The following NUP107 variants were observed in gnomAD, a reference collection of about 807,000 sequenced individuals.
The protein encoded by NUP107 is nuclear pore complex protein Nup107.
In NUP107, 101 loss-of-function variants were observed where a neutral mutation model predicts 141.0. That is an observed-to-expected ratio of 0.72 (90% CI 0.61 to 0.84). The LOEUF is 0.84. Ranked by LOEUF, NUP107 falls within the 40% of genes least tolerant of loss-of-function variation. The pLI is 0.00. For synonymous variants in NUP107, 319 were observed against 363.9 expected (o/e 0.88, Z 1.41); for missense variants, 941 against 1,102.7 (o/e 0.85, Z 2.08).
chr12:68,715,387 G>A (rs530157270), intron 11 of NUP107, among the ~76,000 whole-genome samples: 56 of 152,232 alleles, frequency 3.7e-4, no homozygotes, highest in African/African-American at 1.3e-3. Flanking sequence ...CCAGCTGCTC[G>A]GGAGGCCGAG....
intron 5 of NUP107, among the ~76,000 whole-genome samples, chr12:68,696,000 C>A (rs1876031246): frequency 6.6e-6 from 1 of 150,474 alleles, no homozygotes. Flanking sequence ...GAGCAAGATC[C>A]CCCTCTCTTA....
At chr12:68,687,449 G>A (rs1875554001) in intron 1 of NUP107, 1 of 1,072,184 alleles carries the variant, frequency 9.3e-7, no homozygotes, top group Non-Finnish European at 1.1e-6. Context: ...CAGACTTTCT[G>A]ATTACAAGTG....
intron 6 of NUP107, among the ~76,000 whole-genome samples, chr12:68,700,248 T>C (rs1374838714): frequency 6.6e-6 from 1 of 152,150 alleles, no homozygotes; most frequent in African/African-American, 2.4e-5. Flanking sequence ...GGAAGGACTT[T>C]GGTGATGTTT....
intron 10 of NUP107, among the ~76,000 whole-genome samples, chr12:68,711,964 A>G (rs1368323391): frequency 6.6e-6 from 1 of 152,096 alleles, no homozygotes; most frequent in Non-Finnish European, 1.5e-5. Context: ...TGATCTTCTG[A>G]TTGTCAAGAA....
At chr12:68,717,794 A>G (rs1037725591) in intron 12 of NUP107, among the ~76,000 whole-genome samples, 8 of 152,178 alleles carry the variant, frequency 5.3e-5, no homozygotes, top group African/African-American at 1.4e-4. Context: ...TCAACATTCT[A>G]TATTGAGTTT....
intron 5 of NUP107, 70 bp downstream of exon 5, chr12:68,692,182 T>C: frequency 1.4e-6 from 2 of 1,392,538 alleles, no homozygotes; most frequent in South Asian, 1.5e-5. Context: ...CATTTCTTCC[T>C]GTTTCTGAAC....
intron 12 of NUP107, among the ~76,000 whole-genome samples, chr12:68,716,830 A>AT (rs1877135477): frequency 6.6e-6 from 1 of 152,036 alleles, no homozygotes; most frequent in Non-Finnish European, 1.5e-5. Flanking sequence ...GACAGATTCT[A>AT]TGTCAGTTCA....
At position 68,690,733 on chromosome 12, in the gene NUP107, G is replaced by T. The variant is rs1485767516; in HGVS notation, c.290G>T (p.Gly97Val). 6.2e-7 allele frequency: 1 copy of T among 1,614,038 alleles called. No homozygotes were observed. The highest frequency in any genetic ancestry group is 8.5e-7 in the Non-Finnish European group (1 of 1,179,956). Reference sequence around the variant, plus strand: ...CTTACGCAGTCTTCAGGGTTCTTTGGAAATCTCTCCATGGTATGTAGAAAA... The same window carrying T: ...CTTACGCAGTCTTCAGGGTTCTTTGTAAATCTCTCCATGGTATGTAGAAAA... ...PRLTQSSGFF[G>V]NLSMVTNLDD... Residue 97 changes from glycine to valine, a missense_variant, in exon 4 of 28, where the codon GGA becomes GTA. Gly to Val is a moderately radical substitution (Grantham distance 109). Coordinates refer to ENST00000229179, the MANE Select transcript of NUP107 (RefSeq NM_020401.4).
chr12:68,702,773 T>C lies in NUP107; in HGVS notation c.718T>C (p.Phe240Leu). 1 of 1,534,164 alleles carries C rather than the reference T, an allele frequency of 6.5e-7. No individual in the cohort carries two copies. The highest frequency in any genetic ancestry group is 1.3e-5 in the South Asian group (1 of 79,214). ...GTCTGCATTAGAAGAGGAAAGTGTA[T>C]TCGCAGTTACTGTAAGTTTTATATT... is the stretch of plus-strand genomic sequence containing the variant. Reference protein sequence around the residue: ...IQSALEEESVFAVTAVNASEK... With the variant: ...IQSALEEESVLAVTAVNASEK... The change falls in exon 8 of 28, where the codon TTC becomes CTC. Residue 240 changes from phenylalanine to leucine, a missense_variant. Transcript: ENST00000229179.
intron 22 of NUP107, 61 bp from the exon 23 acceptor site, chr12:68,732,576 G>A (rs1877876644): frequency 6.1e-6 from 6 of 976,984 alleles, no homozygotes; most frequent in Non-Finnish European, 9.1e-6. Context: ...CTAATTTGTA[G>A]AATATCTTTA....
intron 10 of NUP107, among the ~76,000 whole-genome samples, chr12:68,710,799 T>C (rs1213481102): frequency 6.6e-6 from 1 of 152,156 alleles, no homozygotes; most frequent in East Asian, 1.9e-4. Flanking sequence ...GTAATCGAGA[T>C]GATATAAAGT....
Position 68,696,843 on chromosome 12 carries a change from TC to T in NUP107, c.475del (p.Leu159CysfsTer5). On this transcript the variant is annotated frameshift_variant, in exon 6 of 28. Transcript: ENST00000229179. LOFTEE classifies it high-confidence loss of function. Reference sequence around the variant, plus strand: ...GCATCCATGAGTATGTTTTCTGATTTCCTGCAGTCTTTTCTGAAGCACTCTT... The same window carrying T: ...GCATCCATGAGTATGTTTTCTGATTTCTGCAGTCTTTTCTGAAGCACTCTT... Reference protein sequence around the residue: ...EAASMSMFSDFLQSFLKHSSS... With the variant: ...EAASMSMFSDXLQSFLKHSSS... The T allele has an allele frequency of 6.2e-7, 1 of 1,606,088 alleles. No individual in the cohort carries two copies. Among genetic ancestry groups the T allele is most frequent in the South Asian group, 1.1e-5 (1 of 90,194 alleles).
At chr12:68,712,282 A>G (rs1876891321) in intron 10 of NUP107, among the ~76,000 whole-genome samples, 2 of 152,078 alleles carry the variant, frequency 1.3e-5, no homozygotes, top group Non-Finnish European at 2.9e-5. Context: ...CAGGAGTTCA[A>G]GAGCAGTCTG....
chr12:68,687,102 G>T, intron 1 of NUP107, 29 bp downstream of exon 1: 1 of 1,613,504 alleles, frequency 6.2e-7, no homozygotes, highest in Non-Finnish European at 8.5e-7. Flanking sequence ...AGCTGAGCCC[G>T]AAGTCTTGCC....
intron 5 of NUP107, among the ~76,000 whole-genome samples, chr12:68,695,059 C>T (rs1282106311): frequency 1.3e-5 from 2 of 152,148 alleles, no homozygotes; most frequent in Non-Finnish European, 2.9e-5. Context: ...GCCTTACACC[C>T]GTTAGTGTGG....
intron 24 of NUP107, among the ~76,000 whole-genome samples, 163 bp downstream of exon 24, chr12:68,733,775 C>CTTCATTA (rs1398257432): frequency 6.6e-6 from 1 of 152,188 alleles, no homozygotes; most frequent in African/African-American, 2.4e-5. Flanking sequence ...ATGACCTTAT[C>CTTCATTA]TTCATTAGCA....
At chr12:68,700,951 G>A (rs1488160613) in intron 7 of NUP107, 98 bp downstream of exon 7, 9 of 1,237,060 alleles carry the variant, frequency 7.3e-6, no homozygotes, top group Non-Finnish European at 9.9e-6. Context: ...TTGGAAATAG[G>A]TTTTGCTATT....
intron 3 of NUP107, chr12:68,689,895 A>C (rs556004067): frequency 3.4e-6 from 1 of 291,256 alleles, no homozygotes; most frequent in South Asian, 5.3e-5. Context: ...TAAGTATGTA[A>C]ATAGGCTGGA....
Position 68,690,627 on chromosome 12 carries a change from A to G in NUP107, c.188-4A>G. On this transcript the variant is annotated splice_region_variant and splice_polypyrimidine_tract_variant and intron_variant, in intron 3 of 27. Coordinates refer to ENST00000229179, the MANE Select transcript of NUP107 (RefSeq NM_020401.4). ...GGTTCTTTCTACCAACCTTTTGTTTATAGTTACCCCAACAAGCCGAAGCTT... is the reference window on the plus strand; with the variant it reads ...GGTTCTTTCTACCAACCTTTTGTTTGTAGTTACCCCAACAAGCCGAAGCTT... 1 of 1,614,136 alleles carries G rather than the reference A, an allele frequency of 6.2e-7. No homozygotes were observed. Among genetic ancestry groups the G allele is most frequent in the Non-Finnish European group, 8.5e-7 (1 of 1,179,998 alleles).
Sources: gnomAD v4.1 joint callset for allele counts (sites outside exome capture counted in the v4.1 genomes callset) on GRCh38, gnomAD v4.1.1 for gene constraint, MANE v1.5 for transcripts, NCBI Gene and HGNC (gene_info 2026-07-23, HGNC 2026-07-21) for gene names.